CAD: variants seen among roughly 807,000 people sequenced by gnomAD.
CAD encodes the protein multifunctional protein CAD.
A neutral mutation model predicts 237.2 loss-of-function variants in CAD; 81 were observed. The observed-to-expected ratio is 0.34, with a 90% CI of 0.29 to 0.41. The LOEUF is 0.41. Among genes scored for constraint, CAD ranks in the 10% least tolerant of loss-of-function variants. CAD has a pLI of 1.00. For synonymous variants in CAD, 1,196 were observed against 1,162.8 expected, an observed-to-expected ratio of 1.03 and a Z score of -0.58; for missense variants, 2,181 against 2,951.7, an observed-to-expected ratio of 0.74 and a Z score of 6.05.
At position 27,217,856 on chromosome 2, in the gene CAD, A is replaced by T. The variant is rs374634577; in HGVS notation, c.83-21A>T. ...TCCGAAGGGTGCCCTACCGGAGCCCAGCCCTGCTTCTTTCTTGCAGTGTTT... is the reference window on the plus strand; with the variant it reads ...TCCGAAGGGTGCCCTACCGGAGCCCTGCCCTGCTTCTTTCTTGCAGTGTTT... On this transcript the variant is annotated intron_variant, in intron 1 of 43. Coordinates refer to ENST00000264705, the MANE Select transcript of CAD (RefSeq NM_004341.5). 3.2e-6 allele frequency: 5 copies of T among 1,579,826 alleles called. No individual in the cohort carries two copies. In the African/African-American group the frequency reaches 6.8e-5, roughly 21 times the overall value.
intron 15 of CAD, among the ~76,000 whole-genome samples, chr2:27,228,589 TTTTG>T (rs147722146): frequency 7.9e-5 from 12 of 152,154 alleles, no homozygotes; most frequent in African/African-American, 2.4e-4. Flanking sequence ...ACCCTGTCTT[TTTTG>T]TTTGTTTGTT....
At position 27,232,542 on chromosome 2, in the gene CAD, A is replaced by G. The variant is rs1675811416; in HGVS notation, c.2740A>G (p.Thr914Ala). The G allele has an allele frequency of 6.2e-7, 1 of 1,614,100 alleles. No individual in the cohort carries two copies. Among genetic ancestry groups the G allele is most frequent in the African/African-American group, 1.3e-5 (1 of 74,928 alleles). Residue 914 changes from threonine to alanine, a missense_variant, in exon 18 of 44, where the codon ACA becomes GCA. Transcript: ENST00000264705. The surrounding 1 kb of genome is among the most constrained non-coding windows in gnomAD (Gnocchi z 4.1). ...AGTTGCAGCTGAGTGGCCAGCCCAG[A>G]CAAATTACCTATACCTAACGTATTG... is the stretch of plus-strand genomic sequence containing the variant. ...DTVAAEWPAQ[T>A]NYLYLTYWGT... is the part of the protein sequence containing the mutation.
chr2:27,224,873 C>T lies in CAD; in HGVS notation c.1383C>T (p.Thr461=), dbSNP rs761858738. The T allele has an allele frequency of 1.9e-6, 3 of 1,614,034 alleles. No individual in the cohort carries two copies. The African/African-American group carries it at 4.0e-5, about 22-fold the overall frequency. The change falls in exon 10 of 44, where the codon ACC becomes ACT. Residue 461 remains threonine, a synonymous_variant. Coordinates refer to ENST00000264705, the MANE Select transcript of CAD (RefSeq NM_004341.5). ...TTCCCATAACACCTCATTATGTAAC[C>T]CAGGTATGACTGGGGCAAGGCTGGA... ...YFLPITPHYV[T]QVIRNERPDG...
Position 27,222,945 on chromosome 2 carries a change from T to G in CAD, c.717T>G (p.Val239=). Residue 239 remains valine, a synonymous_variant, in exon 6 of 44, where the codon GTT becomes GTG. Coordinates refer to ENST00000264705, the MANE Select transcript of CAD (RefSeq NM_004341.5). ...GTGTCGTATCCACACTGAGCCGTGT[T>G]TTATCTGAGCCTAATCCCCGACCTG... The part of the protein sequence containing the change: ...YPSVVSTLSR[V]LSEPNPRPVF... The G allele has an allele frequency of 6.2e-7, 1 of 1,614,166 alleles. No homozygotes were observed. Among genetic ancestry groups the G allele is most frequent in the Admixed American group, 1.7e-5 (1 of 60,016 alleles).
chr2:27,234,589 G>C lies in CAD; in HGVS notation c.3690G>C (p.Leu1230=). 6.2e-7 allele frequency: 1 copy of C among 1,614,026 alleles called. No homozygotes were observed. The highest frequency in any genetic ancestry group is 8.5e-7 in the Non-Finnish European group (1 of 1,179,888). The change falls in exon 23 of 44, where the codon CTG becomes CTC. Residue 1230 remains leucine, a synonymous_variant. Transcript: ENST00000264705. The part of the protein sequence containing the change: ...SRSFPFVSKT[L]GVDLVALATR... ...CCTTCCCCTTCGTTTCCAAGACACTGGGTGTGGACCTAGTAGCCTTGGCCA... is the reference window on the plus strand; with the variant it reads ...CCTTCCCCTTCGTTTCCAAGACACTCGGTGTGGACCTAGTAGCCTTGGCCA...
intron 43 of CAD, 36 bp from the exon 44 acceptor site, chr2:27,243,380 A>G (rs754549373): frequency 5.7e-6 from 9 of 1,575,224 alleles, no homozygotes; most frequent in Non-Finnish European, 6.9e-6. Flanking sequence ...GGGCTGCACG[A>G]TAACACTTCC....
Position 27,242,836 on chromosome 2 carries a change from AGC to A in CAD, c.6379-33_6379-32del. ...GATGTGGGTTGGGCAGTCAGAGCCC[AGC>A]GCTGCATCCACCATGGCTCTCCTCA... On this transcript the variant is annotated intron_variant, in intron 41 of 43. Transcript: ENST00000264705. The surrounding 1 kb of genome is among the most constrained non-coding windows in gnomAD (Gnocchi z 6.4). 1 of 1,613,628 alleles carries A rather than the reference AGC, an allele frequency of 6.2e-7. No homozygotes were observed. Among genetic ancestry groups the A allele is most frequent in the Non-Finnish European group, 8.5e-7 (1 of 1,179,508 alleles).
At chr2:27,225,601 T>C (rs1340518855) in intron 11 of CAD, 104 bp from the exon 12 acceptor site, 10 of 873,980 alleles carry the variant, frequency 1.1e-5, no homozygotes, top group Non-Finnish European at 1.8e-5. Flanking sequence ...CGTGAGCCAC[T>C]ATGCCCAGCC....
In CAD at chr2:27,240,101, CGTG is replaced by C; in HGVS notation, c.5497-157_5497-155del. ...ACTAAAAATAAAAAAATTAGCCAGG[CGTG>C]GTGGTGCACATCTGTAATCCCAGCT... On this transcript the variant is annotated intron_variant, in intron 34 of 43. Coordinates refer to ENST00000264705, the MANE Select transcript of CAD (RefSeq NM_004341.5). This position sits in a 1 kb window ranked among gnomAD's most constrained non-coding sequence, Gnocchi z 4.6. The C allele has an allele frequency of 1.5e-6, 1 of 658,310 alleles. No individual in the cohort carries two copies. The allele number at this position is 658,310 out of a possible 1,614,324, so 40.8% of individuals were successfully genotyped here. A position where few individuals can be genotyped will look rare whatever the true frequency, so the allele number is the denominator to read the frequency against.
rs1377336465 is a variant in CAD, at chr2:27,232,016, G to A, written c.2437G>A (p.Val813Met). ...ETPTDKRIFVVAAALWAGYSV... is the reference protein window; with the variant it reads ...ETPTDKRIFVMAAALWAGYSV... ...TCCAACAGATAAGCGGATTTTTGTG[G>A]TGGCAGCTGCTTTGTGGGCTGGTTA... Residue 813 changes from valine to methionine, a missense_variant, in exon 17 of 44, where the codon GTG (valine) becomes ATG (methionine). By Grantham distance (21) the Val-to-Met change is conservative (BLOSUM62 1). Transcript: ENST00000264705. This position sits in a 1 kb window ranked among gnomAD's most constrained non-coding sequence, Gnocchi z 4.1. 1.2e-6 allele frequency: 2 copies of A among 1,614,218 alleles called. No individual in the cohort carries two copies. Among genetic ancestry groups the A allele is most frequent in the East Asian group, 2.2e-5 (1 of 44,884 alleles).
rs1309313698 is a variant in CAD at position 27,243,563 on chromosome 2, C to A, written c.*45C>A. ...CTTCTCTTTAGGCCCAGCTGCTGGG[C>A]AAGGAATTCCAGTGCCTCCTACGGG... On this transcript the variant is annotated 3_prime_UTR_variant, in exon 44 of 44. Coordinates refer to ENST00000264705, the MANE Select transcript of CAD (RefSeq NM_004341.5). 6.9e-7 allele frequency: 1 copy of A among 1,439,532 alleles called. No homozygotes were observed. Among genetic ancestry groups the A allele is most frequent in the Middle Eastern group, 2.4e-4 (1 of 4,098 alleles). The allele number at this position is 1,439,532 out of a possible 1,614,324, so 89.2% of individuals were successfully genotyped here.
At position 27,238,569 on chromosome 2, in the gene CAD, C is replaced by T. The variant is rs753259550; in HGVS notation, c.4999C>T (p.Arg1667Cys). 5.6e-6 allele frequency: 9 copies of T among 1,613,938 alleles called. No individual in the cohort carries two copies. The highest frequency in any genetic ancestry group is 2.2e-5 in the East Asian group (1 of 44,894). Residue 1667 changes from arginine (R) to cysteine (C), a missense_variant, in exon 31 of 44, where the codon CGC becomes TGC. Arg to Cys is a radical substitution (Grantham distance 180). Around this residue, in one of 12 missense-constraint regions of CAD, gnomAD observed 478 missense variants for 515.0 expected, o/e 0.93. Transcript: ENST00000264705. ...KGEVRPELGS[R>C]QDVEALWENM... Reference sequence around the variant, plus strand: ...GGAGGTCCGGCCTGAGCTTGGCTCCCGCCAGGATGTGGAAGCCCTGTGGGA... The same window carrying T: ...GGAGGTCCGGCCTGAGCTTGGCTCCTGCCAGGATGTGGAAGCCCTGTGGGA...
At chr2:27,226,798 C>T (rs1675464061) in intron 14 of CAD, 34 bp from the exon 15 acceptor site, 1 of 1,612,978 alleles carries the variant, frequency 6.2e-7, no homozygotes. Context: ...GCTTCCTTCA[C>T]TGTCCTTCTG....
chr2:27,231,854 T>A, intron 16 of CAD, 126 bp from the exon 17 acceptor site: 1 of 1,138,798 alleles, frequency 8.8e-7, no homozygotes, highest in Non-Finnish European at 1.3e-6. Flanking sequence ...GTATCCAGGT[T>A]TTTGCAGTTA....
At chr2:27,220,464 C>T (rs1256133166) in intron 2 of CAD, among the ~76,000 whole-genome samples, 1 of 149,798 alleles carries the variant, frequency 6.7e-6, no homozygotes, top group East Asian at 2.0e-4. Flanking sequence ...AGCCTGGCAA[C>T]ATGGTGAGAC....
At position 27,237,955 on chromosome 2, in the gene CAD, T is replaced by C; in HGVS notation, c.4728+73T>C. 3 of 1,576,000 alleles carry C rather than the reference T, an allele frequency of 1.9e-6. No individual in the cohort carries two copies. The South Asian group carries it at 3.5e-5, about 19-fold the overall frequency. ...CTTGTGGGCCCCTGCCTAAGTGGGC[T>C]GGTAGCAGTGAGGATTCAGGGGAGC... On this transcript the variant is annotated intron_variant, in intron 29 of 43. Coordinates refer to ENST00000264705, the MANE Select transcript of CAD (RefSeq NM_004341.5). This position sits in a 1 kb window ranked among gnomAD's most constrained non-coding sequence, Gnocchi z 4.0.
chr2:27,240,926 A>G lies in CAD; in HGVS notation c.5609A>G (p.Glu1870Gly). Reference protein sequence around the residue: ...DPGLPAEEPKEKSSRKVAEPE... With the variant: ...DPGLPAEEPKGKSSRKVAEPE... The stretch of plus-strand genomic sequence containing the variant: ...CTGTTTGCAGCTGAGGAGCCAAAGG[A>G]GAAGTCCTCTCGGAAGGTAGCCGAG... Residue 1870 changes from glutamate to glycine, a missense_variant, in exon 36 of 44, where the codon GAG (glutamate) becomes GGG (glycine). Glu to Gly is a moderately conservative substitution (Grantham distance 98). This residue lies in a region of CAD where 203 missense variants were observed against 284.5 expected (regional missense o/e 0.71). Transcript: ENST00000264705. This position sits in a 1 kb window ranked among gnomAD's most constrained non-coding sequence, Gnocchi z 4.6. 6.2e-7 allele frequency: 1 copy of G among 1,614,046 alleles called. No homozygotes were observed. The highest frequency in any genetic ancestry group is 2.2e-5 in the East Asian group (1 of 44,886).
intron 2 of CAD, among the ~76,000 whole-genome samples, chr2:27,219,904 A>C (rs955444723): frequency 2.0e-5 from 3 of 152,140 alleles, no homozygotes; most frequent in African/African-American, 7.2e-5. Flanking sequence ...TTTTTTAAAT[A>C]ATCCCAAATG....
rs751273779 is a variant in CAD, at chr2:27,243,937, G to C, written c.*419G>C. The C allele has an allele frequency of 1.1e-5, 2 of 181,462 alleles. No homozygotes were observed. Among genetic ancestry groups the C allele is most frequent in the African/African-American group, 2.4e-5 (1 of 42,104 alleles). The allele number at this position is 181,462 out of a possible 1,614,324, so 11.2% of individuals were successfully genotyped here. A position where few individuals can be genotyped will look rare whatever the true frequency, so the allele number is the denominator to read the frequency against. ...TGACTCTTTGGGACTCGGCAGGAGCGTGTTAACTCTGTGCTCTCTGAGTCC... is the reference window on the plus strand; with the variant it reads ...TGACTCTTTGGGACTCGGCAGGAGCCTGTTAACTCTGTGCTCTCTGAGTCC... On this transcript the variant is annotated 3_prime_UTR_variant, in exon 44 of 44. Coordinates refer to ENST00000264705, the MANE Select transcript of CAD (RefSeq NM_004341.5).
Sources: allele counts gnomAD v4.1 joint callset (sites outside exome capture counted in the v4.1 genomes callset), GRCh38; gene constraint gnomAD v4.1.1; regional missense constraint gnomAD v4.1.1; non-coding constraint Gnocchi (gnomAD v3.1); transcripts MANE v1.5; gene names NCBI Gene and HGNC (gene_info 2026-07-23, HGNC 2026-07-21).